Variants in KCNMA1 observed in about 807,000 individuals in gnomAD.
The protein encoded by KCNMA1 is Calcium-activated potassium channel subunit alpha-1.
A neutral mutation model predicts 140.0 loss-of-function variants in KCNMA1; 29 were observed. The observed-to-expected ratio is 0.21, with a 90% CI of 0.15 to 0.28. The LOEUF (loss-of-function observed/expected upper bound fraction) is 0.28. KCNMA1 is among the 10% of genes least tolerant of loss of function. The probability of loss-of-function intolerance (pLI) is 1.00; values close to 1 mark genes in which losing one functional copy is unlikely to be tolerated. For missense variants in KCNMA1, 880 were observed against 1,602.2 expected (o/e 0.55, Z 7.70); for synonymous variants, 612 against 611.9 (o/e 1.00, Z 0.00).
At chr10:76,970,671 C>T (rs1555018115) in intron 19 of KCNMA1, 1 of 155,364 alleles carries the variant, frequency 6.4e-6, no homozygotes, top group East Asian at 1.9e-4. Flanking sequence ...CAGCTCTTAT[C>T]CCTCCAACTG....
chr10:77,257,365 G>A (rs2154260992), intron 2 of KCNMA1, among the ~76,000 whole-genome samples: 2 of 152,274 alleles, frequency 1.3e-5, no homozygotes, highest in South Asian at 4.1e-4. Context: ...ATGGGATCTA[G>A]AAGTTTAAAT....
chr10:77,145,779 C>A (rs1442585884), intron 5 of KCNMA1, among the ~76,000 whole-genome samples: 1 of 152,144 alleles, frequency 6.6e-6, no homozygotes, highest in Non-Finnish European at 1.5e-5. Context: ...AACATATTTT[C>A]ATGGAGTACC....
At chr10:77,572,738 AGAGT>A (rs2072132942) in intron 1 of KCNMA1, among the ~76,000 whole-genome samples, 1 of 144,706 alleles carries the variant, frequency 6.9e-6, no homozygotes, top group Non-Finnish European at 1.5e-5. Context: ...CCTGGGCAAC[AGAGT>A]GAGATCTTGT....
intron 2 of KCNMA1, among the ~76,000 whole-genome samples, chr10:77,375,679 C>T (rs570581828): frequency 1.6e-4 from 25 of 152,370 alleles, no homozygotes; most frequent in Middle Eastern, 3.4e-3. Context: ...GAAGGACTTG[C>T]TGCTCAGCTC....
At position 77,637,433 on chromosome 10, in the gene KCNMA1, G is replaced by C. The variant is rs1435246496; in HGVS notation, c.210C>G (p.Ile70Met). ...ACGGCACCTCCATGGTCACCGGGAT[G>C]ATGAGCGCATCCATCTTGGGCTCGT... ...SVHEPKMDAL[I>M]IPVTMEVPCD... The change falls in exon 1 of 28, where the codon ATC (isoleucine) becomes ATG (methionine). Residue 70 changes from isoleucine to methionine, a missense_variant. This residue lies in a region of KCNMA1 where 31 missense variants were observed against 75.0 expected (regional missense o/e 0.41). Coordinates refer to ENST00000286628, the MANE Select transcript of KCNMA1 (RefSeq NM_001161352.2). The C allele has an allele frequency of 6.2e-7, 1 of 1,613,706 alleles. No homozygotes were observed. The highest frequency in any genetic ancestry group is 2.2e-5 in the East Asian group (1 of 44,858).
intron 5 of KCNMA1, among the ~76,000 whole-genome samples, chr10:77,141,201 G>C (rs1163714059): frequency 6.6e-6 from 1 of 152,148 alleles, no homozygotes; most frequent in Non-Finnish European, 1.5e-5. Flanking sequence ...ACACTCATTA[G>C]AGCTCCTTGG....
intron 1 of KCNMA1, chr10:77,636,665 T>G (rs2093774446): frequency 6.5e-7 from 1 of 1,534,902 alleles, no homozygotes; most frequent in Non-Finnish European, 8.7e-7. Flanking sequence ...GGGATGGATC[T>G]CCCCAACTTC....
At chr10:77,149,739 T>C (rs1319630617) in intron 5 of KCNMA1, 4 of 152,248 alleles carry the variant, frequency 2.6e-5, no homozygotes. Context: ...TGAATTTGAA[T>C]GGCAGGCTTT....
chr10:77,172,349 T>C (rs1015712148), intron 5 of KCNMA1, among the ~76,000 whole-genome samples: 1 of 152,140 alleles, frequency 6.6e-6, no homozygotes, highest in Non-Finnish European at 1.5e-5. Context: ...CAATTTGGCA[T>C]ATAACAGAGC....
At chr10:77,231,496 G>A (rs1191362530) in intron 3 of KCNMA1, among the ~76,000 whole-genome samples, 1 of 152,102 alleles carries the variant, frequency 6.6e-6, no homozygotes, top group East Asian at 1.9e-4. Context: ...AGCTTCTAGT[G>A]TTTTTCTTTT....
In KCNMA1 at chr10:77,008,192, C is replaced by T; in HGVS notation, c.2092+3775G>A. The T allele has an allele frequency of 6.5e-7, 1 of 1,535,126 alleles. No homozygotes were observed. Among genetic ancestry groups the T allele is most frequent in the Non-Finnish European group, 8.7e-7 (1 of 1,146,582 alleles). ...GGAACCCGTTTTACTCACAATATAT[C>T]ACTACCAGTGTGCAGTTAAAATAGA... On this transcript the variant is annotated intron_variant, in intron 18 of 27. Transcript: ENST00000286628.
chr10:77,151,314 C>T (rs1017933254), intron 5 of KCNMA1, among the ~76,000 whole-genome samples: 2 of 137,950 alleles, frequency 1.4e-5, no homozygotes, highest in Non-Finnish European at 3.1e-5. Flanking sequence ...GCAACCTCCA[C>T]CTCCTGGGTT....
At chr10:77,289,521 CT>C (rs1174746986) in intron 2 of KCNMA1, among the ~76,000 whole-genome samples, 1 of 152,212 alleles carries the variant, frequency 6.6e-6, no homozygotes, top group Non-Finnish European at 1.5e-5. Context: ...ACCAACTTCT[CT>C]TTTAAAGAAC....
intron 1 of KCNMA1, among the ~76,000 whole-genome samples, chr10:77,624,623 T>TA (rs2092183323): frequency 6.6e-6 from 1 of 152,192 alleles, no homozygotes; most frequent in Admixed American, 6.5e-5. Flanking sequence ...ATGATAGTTT[T>TA]AAAATCTGAC....
chr10:77,292,717 G>C lies in KCNMA1; in HGVS notation c.541-41461C>G, dbSNP rs2073699528. Among the ~76,000 whole-genome samples, 9 of 152,158 alleles carry C rather than the reference G, an allele frequency of 5.9e-5. No individual in the cohort carries two copies. The South Asian group carries it at 1.9e-3, about 32-fold the overall frequency. Reference sequence around the variant, plus strand: ...GCCATTCCACTCTTCTGATGCTAGGGTAATAGTTCCCTACATTAAATATAC... The same window carrying C: ...GCCATTCCACTCTTCTGATGCTAGGCTAATAGTTCCCTACATTAAATATAC... On this transcript the variant is annotated intron_variant, in intron 2 of 27. Coordinates refer to ENST00000286628, the MANE Select transcript of KCNMA1 (RefSeq NM_001161352.2).
intron 23 of KCNMA1, among the ~76,000 whole-genome samples, chr10:76,941,179 G>C (rs1384636273): frequency 4.1e-4 from 50 of 122,072 alleles, no homozygotes; most frequent in African/African-American, 1.5e-3. Context: ...AAGGAAGGAA[G>C]GAAGGGAGGG....
At chr10:77,502,396 C>G (rs907177659) in intron 1 of KCNMA1, among the ~76,000 whole-genome samples, 15 of 152,152 alleles carry the variant, frequency 9.9e-5, no homozygotes, top group Admixed American at 9.2e-4. Context: ...CTGGATCCAC[C>G]AAAATACCTG....
rs573379720 is a variant in KCNMA1, at chr10:77,282,048, C to G, written c.541-30792G>C. 1.7e-3 allele frequency among the ~76,000 whole-genome samples: 262 copies of G among 152,212 alleles called. 3 individuals are homozygous for G. Among genetic ancestry groups the G allele is most frequent in the African/African-American group, 5.9e-3 (245 of 41,524 alleles). On this transcript the variant is annotated intron_variant, in intron 2 of 27. Coordinates refer to ENST00000286628, the MANE Select transcript of KCNMA1 (RefSeq NM_001161352.2). ...CATTTTCATGCTTTGTTTTTCAACC[C>G]TTATTACTGACTGGTTCTGCCACGA...
Position 77,476,563 on chromosome 10 carries a change from G to A in KCNMA1, c.379-72540C>T, listed in dbSNP as rs540091161. ...GCAGCTCTAACCCCAGGTCCTGAGC[G>A]GGTCAGAGGCTTTTGGCTCCTGCTG... On this transcript the variant is annotated intron_variant, in intron 1 of 27. Transcript: ENST00000286628. Among the ~76,000 whole-genome samples, 11 of 152,326 alleles carry A rather than the reference G, an allele frequency of 7.2e-5. 1 individual carries two copies. The South Asian group carries it at 1.5e-3, about 20-fold the overall frequency.
Sources: allele counts gnomAD v4.1 joint callset (sites outside exome capture counted in the v4.1 genomes callset), GRCh38; gene constraint gnomAD v4.1.1; regional missense constraint gnomAD v4.1.1; transcripts MANE v1.5; gene names NCBI Gene and HGNC (gene_info 2026-07-23, HGNC 2026-07-21).